Variants in CDH4 observed in about 807,000 individuals in gnomAD.
CDH4 encodes the protein cadherin 4.
In CDH4, 33 loss-of-function variants were observed where a neutral mutation model predicts 86.0. The ratio of observed to expected loss-of-function variants is 0.38; its 90% CI spans 0.29 to 0.51. CDH4 has a LOEUF of 0.51. Ranked by LOEUF, CDH4 falls within the 20% of genes least tolerant of loss-of-function variation. The pLI is 0.86. For synonymous variants in CDH4, 555 were observed against 549.4 expected, an observed-to-expected ratio of 1.01 and a Z score of -0.14; for missense variants, 1,114 against 1,307.4, an observed-to-expected ratio of 0.85 and a Z score of 2.28.
intron 8 of CDH4, among the ~76,000 whole-genome samples, chr20:61,904,742 G>A (rs546599515): frequency 7.0e-4 from 107 of 152,364 alleles, no homozygotes; most frequent in African/African-American, 2.6e-3. Context: ...CCACGTGGCC[G>A]CTTGCCGTGT....
rs1053431641 is a variant in CDH4, at chr20:61,516,495, C to T, written c.170-227068C>T. On this transcript the variant is annotated intron_variant, in intron 2 of 15. Coordinates refer to ENST00000614565, the MANE Select transcript of CDH4 (RefSeq NM_001794.5). The surrounding 1 kb of genome is among the most constrained non-coding windows in gnomAD (Gnocchi z 4.0). The stretch of plus-strand genomic sequence containing the variant: ...GAGCCCCAGAGGTCAAGCCAGATGT[C>T]CATGTTGGGGAGTCTAACGGCAGGT... Among the ~76,000 whole-genome samples, 3 of 152,174 alleles carry T rather than the reference C, an allele frequency of 2.0e-5. No homozygotes were observed. The highest frequency in any genetic ancestry group is 7.2e-5 in the African/African-American group (3 of 41,428).
intron 2 of CDH4, among the ~76,000 whole-genome samples, chr20:61,622,189 A>ACTGCTC (rs2086784328): frequency 6.6e-6 from 1 of 152,256 alleles, no homozygotes; most frequent in African/African-American, 2.4e-5. Flanking sequence ...CGAAACGCAG[A>ACTGCTC]CTGCTCCTGT....
intron 2 of CDH4, among the ~76,000 whole-genome samples, chr20:61,394,444 T>C (rs960651829): frequency 1.3e-5 from 2 of 152,138 alleles, no homozygotes; most frequent in Non-Finnish European, 2.9e-5. Context: ...TGGAAAGATG[T>C]GTATTTCTTA....
At chr20:61,701,442 C>T (rs1600890446) in intron 2 of CDH4, among the ~76,000 whole-genome samples, 1 of 152,312 alleles carries the variant, frequency 6.6e-6, no homozygotes, top group Non-Finnish European at 1.5e-5. Flanking sequence ...GGCTGGTGGA[C>T]ATCTGGGCTT....
intron 14 of CDH4, among the ~76,000 whole-genome samples, chr20:61,933,738 G>C (rs537114235): frequency 6.6e-5 from 10 of 150,512 alleles, no homozygotes; most frequent in African/African-American, 2.3e-4. Flanking sequence ...CGGAGGCCCA[G>C]CTCCTGGCCC....
intron 11 of CDH4, among the ~76,000 whole-genome samples, chr20:61,926,076 A>G (rs928180940): frequency 6.6e-6 from 1 of 152,236 alleles, no homozygotes; most frequent in Non-Finnish European, 1.5e-5. Flanking sequence ...ATGACTCAGC[A>G]GCGTCTGCCC....
chr20:61,918,213 C>T lies in CDH4; in HGVS notation c.1375-5238C>T, dbSNP rs147978755. 7.2e-5 allele frequency among the ~76,000 whole-genome samples: 11 copies of T among 152,320 alleles called. No individual in the cohort carries two copies. In the East Asian group the frequency reaches 2.1e-3, roughly 29 times the overall value. On this transcript the variant is annotated intron_variant, in intron 9 of 15. Transcript: ENST00000614565. ...GGGACCAAGGCCAGACTTGGGGGTA[C>T]CTGAGACCCCTGGTAGAACCTTTCA...
chr20:61,587,658 G>A (rs2086488731), intron 2 of CDH4, among the ~76,000 whole-genome samples: 1 of 152,118 alleles, frequency 6.6e-6, no homozygotes, highest in Admixed American at 6.6e-5. Context: ...CACAGCGATT[G>A]TGTTTCTGTG....
chr20:61,682,145 G>A (rs569162149), intron 2 of CDH4, among the ~76,000 whole-genome samples: 25 of 152,194 alleles, frequency 1.6e-4, no homozygotes, highest in Non-Finnish European at 2.8e-4. Context: ...GGTGGATAGA[G>A]GGTAGATGGA....
rs778522217 is a variant in CDH4 at position 61,797,095 on chromosome 20, C to G, written c.576+23913C>G. 1.7e-3 allele frequency among the ~76,000 whole-genome samples: 238 copies of G among 144,194 alleles called. 2 individuals carry two copies. Among genetic ancestry groups the G allele is most frequent in the African/African-American group, 5.7e-3 (217 of 38,374 alleles). The allele number at this position is 144,194 out of a possible 152,430, so 94.6% of individuals were successfully genotyped here. On this transcript the variant is annotated intron_variant, in intron 4 of 15. Transcript: ENST00000614565. ...TGGGACAGGAAGAGCCCCCCCCCCC[C>G]CAACACTGGCCAGCTCCTGGTGGAC... is the stretch of plus-strand genomic sequence containing the variant.
chr20:61,642,170 C>T (rs1436270794), intron 2 of CDH4, among the ~76,000 whole-genome samples: 2 of 152,198 alleles, frequency 1.3e-5, no homozygotes, highest in Admixed American at 6.5e-5. Flanking sequence ...TATGGTCTAG[C>T]CCAGGTTGTA....
intron 2 of CDH4, among the ~76,000 whole-genome samples, chr20:61,376,696 TG>T (rs1314600408): frequency 6.6e-6 from 1 of 152,216 alleles, no homozygotes; most frequent in Non-Finnish European, 1.5e-5. Context: ...TCCTTCTGTG[TG>T]GCTGCTCCCG....
At chr20:61,720,752 C>G (rs111922046) in intron 2 of CDH4, among the ~76,000 whole-genome samples, 6,507 of 152,152 alleles carry the variant, frequency 0.043, 357 homozygotes, top group African/African-American at 0.13. Flanking sequence ...AACCTCCCAG[C>G]TGCCTCTAAA....
chr20:61,805,451 G>T (rs531088894), intron 4 of CDH4, among the ~76,000 whole-genome samples: 1 of 152,206 alleles, frequency 6.6e-6, no homozygotes, highest in African/African-American at 2.4e-5. Flanking sequence ...GCCAGCAAGG[G>T]TCAGGGCCAC....
chr20:61,586,954 C>T (rs2086481554), intron 2 of CDH4, among the ~76,000 whole-genome samples: 1 of 152,202 alleles, frequency 6.6e-6, no homozygotes, highest in Admixed American at 6.5e-5. Context: ...GCAGCCATGC[C>T]TTCACAGAGC....
intron 2 of CDH4, among the ~76,000 whole-genome samples, chr20:61,715,663 G>A (rs972445383): frequency 2.6e-5 from 4 of 152,204 alleles, no homozygotes; most frequent in African/African-American, 9.6e-5. Context: ...GACAGACATA[G>A]GTGGCTCCCT....
At chr20:61,698,742 C>A (rs1196148559) in intron 2 of CDH4, among the ~76,000 whole-genome samples, 1 of 152,234 alleles carries the variant, frequency 6.6e-6, no homozygotes, top group Non-Finnish European at 1.5e-5. Flanking sequence ...GTAGACCCCC[C>A]CGCAGTGTGA....
At chr20:61,907,539 C>T (rs1276147666) in intron 8 of CDH4, among the ~76,000 whole-genome samples, 1 of 152,228 alleles carries the variant, frequency 6.6e-6, no homozygotes, top group Non-Finnish European at 1.5e-5. Context: ...GCACCATCCC[C>T]CATGCCATGA....
intron 4 of CDH4, among the ~76,000 whole-genome samples, chr20:61,815,429 T>A (rs1448936757): frequency 2.0e-5 from 3 of 152,234 alleles, no homozygotes; most frequent in Non-Finnish European, 4.4e-5. Context: ...CGCCCGTCGC[T>A]GTTTTCTAGA....
Sources: allele counts gnomAD v4.1 joint callset (sites outside exome capture counted in the v4.1 genomes callset), GRCh38; gene constraint gnomAD v4.1.1; non-coding constraint Gnocchi (gnomAD v3.1); transcripts MANE v1.5; gene names NCBI Gene and HGNC (gene_info 2026-07-23, HGNC 2026-07-21).